The following BBS9 variants were observed in gnomAD, a reference collection of about 807,000 sequenced individuals.
The protein encoded by BBS9 is Bardet-Biedl syndrome 9.
A neutral mutation model predicts 117.7 loss-of-function variants in BBS9; 89 were observed. The observed-to-expected ratio is 0.76, with a 90% confidence interval of 0.64 to 0.90. The LOEUF (loss-of-function observed/expected upper bound fraction) is 0.90. BBS9 is among the 40% of genes least tolerant of loss of function. The pLI is 0.00. For synonymous variants in BBS9, 379 were observed against 370.9 expected, an observed-to-expected ratio of 1.02 and a Z score of -0.25; for missense variants, 982 against 1,042.2, an observed-to-expected ratio of 0.94 and a Z score of 0.80.
intron 16 of BBS9, among the ~76,000 whole-genome samples, chr7:33,360,524 C>CTT (rs5883399): frequency 0.011 from 1,572 of 141,934 alleles, 22 homozygotes; most frequent in Non-Finnish European, 0.016. Context: ...CAATAAATAC[C>CTT]TTTTTTTTTT....
chr7:33,231,511 C>T lies in BBS9; in HGVS notation c.443-25725C>T, dbSNP rs1237659922. ...TAATTTTAAGTCAGAGAGTGTGGTG[C>T]CTCCAACTTTGTTTTTCATTCTCAG... On this transcript the variant is annotated intron_variant, in intron 5 of 22. Transcript: ENST00000242067. Among the ~76,000 whole-genome samples, 5 of 145,188 alleles carry T rather than the reference C, an allele frequency of 3.4e-5. No homozygotes were observed. In the East Asian group the frequency reaches 1.0e-3, roughly 29 times the overall value.
chr7:33,163,390 G>A (rs963958049), intron 4 of BBS9, among the ~76,000 whole-genome samples: 1 of 152,146 alleles, frequency 6.6e-6, no homozygotes, highest in Non-Finnish European at 1.5e-5. Flanking sequence ...GATTGGAATA[G>A]TTTCAGAAGG....
intron 19 of BBS9, among the ~76,000 whole-genome samples, chr7:33,422,798 C>G (rs182704598): frequency 1.6e-4 from 25 of 152,148 alleles, no homozygotes; most frequent in Non-Finnish European, 2.1e-4. Flanking sequence ...AAAATAAAGA[C>G]AGGGTCTTGC....
At chr7:33,336,732 T>A in intron 10 of BBS9, 110 bp downstream of exon 10, 1 of 782,286 alleles carries the variant, frequency 1.3e-6, no homozygotes, top group Non-Finnish European at 2.1e-6. Context: ...TAGGCTTAAT[T>A]AAAATCATAT....
At chr7:33,364,474 G>T (rs1821264677) in intron 16 of BBS9, among the ~76,000 whole-genome samples, 1 of 151,862 alleles carries the variant, frequency 6.6e-6, no homozygotes. Flanking sequence ...GCTTGATTCT[G>T]TTCCCTAAAT....
At chr7:33,265,191 A>G (rs1051148333) in intron 7 of BBS9, among the ~76,000 whole-genome samples, 1 of 152,230 alleles carries the variant, frequency 6.6e-6, no homozygotes, top group African/African-American at 2.4e-5. Context: ...AAATGGAGAA[A>G]TAATGTAGAA....
intron 11 of BBS9, among the ~76,000 whole-genome samples, chr7:33,344,320 C>T (rs1291778590): frequency 1.3e-5 from 2 of 151,896 alleles, no homozygotes; most frequent in Admixed American, 6.6e-5. Flanking sequence ...CCACCCACCT[C>T]GGCCTCCCAA....
chr7:33,181,308 G>C (rs997416175), intron 5 of BBS9, among the ~76,000 whole-genome samples: 34 of 152,186 alleles, frequency 2.2e-4, no homozygotes, highest in Non-Finnish European at 4.6e-4. Flanking sequence ...TACCTCTAGA[G>C]AATAATAGGT....
chr7:33,419,860 C>T (rs1584758731), intron 19 of BBS9, among the ~76,000 whole-genome samples: 1 of 151,780 alleles, frequency 6.6e-6, no homozygotes, highest in East Asian at 1.9e-4. Flanking sequence ...TTTTTTTAGC[C>T]TAGAGAGTTT....
At position 33,422,342 on chromosome 7, in the gene BBS9, A is replaced by T. The variant is rs886111738; in HGVS notation, c.2115+34198A>T. 2.6e-4 allele frequency among the ~76,000 whole-genome samples: 39 copies of T among 152,306 alleles called. No individual in the cohort carries two copies. In the East Asian group the frequency reaches 6.4e-3, roughly 25 times the overall value. ...TGTATATTTGATGTGTACCACAAAG[A>T]ATAAATATTTACCATAGCAGAATTA... On this transcript the variant is annotated intron_variant, in intron 19 of 22. Transcript: ENST00000242067.
chr7:33,545,005 C>A (rs1310456516), intron 21 of BBS9, among the ~76,000 whole-genome samples: 5 of 152,120 alleles, frequency 3.3e-5, no homozygotes, highest in Admixed American at 2.0e-4. Context: ...CCTTACCCAG[C>A]TCCCATGCAA....
intron 21 of BBS9, among the ~76,000 whole-genome samples, chr7:33,571,032 C>A (rs1359361032): frequency 2.0e-5 from 3 of 152,096 alleles, no homozygotes; most frequent in Admixed American, 2.0e-4. Flanking sequence ...AGTCTGTCAG[C>A]TAACTAGCTA....
intron 19 of BBS9, among the ~76,000 whole-genome samples, chr7:33,426,571 G>GT (rs34453403): frequency 0.18 from 26,860 of 151,968 alleles, 2,575 homozygotes; most frequent in South Asian, 0.21. Context: ...TAGATGTTCT[G>GT]TAAAAAATGG....
chr7:33,323,397 C>T (rs1230360518), intron 9 of BBS9, among the ~76,000 whole-genome samples: 1 of 152,182 alleles, frequency 6.6e-6, no homozygotes, highest in African/African-American at 2.4e-5. Flanking sequence ...TAATTTGCTT[C>T]ATTTATTTGG....
chr7:33,617,614 T>G (rs1436894039), intron 21 of BBS9, among the ~76,000 whole-genome samples: 1 of 151,988 alleles, frequency 6.6e-6, no homozygotes, highest in Non-Finnish European at 1.5e-5. Flanking sequence ...AGAAGCTCAG[T>G]GAACTGCAAG....
intron 5 of BBS9, among the ~76,000 whole-genome samples, chr7:33,230,352 T>C (rs1240593707): frequency 1.3e-5 from 2 of 152,310 alleles, no homozygotes; most frequent in African/African-American, 2.4e-5. Flanking sequence ...GCTTTCCCAC[T>C]GTGTTCTCTT....
rs182289206 is a variant in BBS9 at position 33,377,517 on chromosome 7, T to A, written c.1790-6149T>A. ...TGGCTATTTGTTATATTTTTTTTGT[T>A]TCATGTGGATTTTAAAATAATTTTT... On this transcript the variant is annotated intron_variant, in intron 17 of 22. Coordinates refer to ENST00000242067, the MANE Select transcript of BBS9 (RefSeq NM_198428.3). Among the ~76,000 whole-genome samples, 396 of 152,290 alleles carry A rather than the reference T, an allele frequency of 2.6e-3. 2 individuals are homozygous for A. The highest frequency in any genetic ancestry group is 0.016 in the South Asian group (75 of 4,828).
chr7:33,373,786 T>C (rs1823299436), intron 17 of BBS9, among the ~76,000 whole-genome samples: 1 of 152,160 alleles, frequency 6.6e-6, no homozygotes, highest in African/African-American at 2.4e-5. Flanking sequence ...TAAAAATCCT[T>C]TTTTTGGTCC....
At chr7:33,131,927 A>G (rs1188401021) in intron 1 of BBS9, among the ~76,000 whole-genome samples, 1 of 152,244 alleles carries the variant, frequency 6.6e-6, no homozygotes, top group Non-Finnish European at 1.5e-5. Flanking sequence ...TCAAAACAAA[A>G]AAGTGTCAAG....
Sources: gnomAD v4.1 joint callset for allele counts (sites outside exome capture counted in the v4.1 genomes callset) on GRCh38, gnomAD v4.1.1 for gene constraint, MANE v1.5 for transcripts, NCBI Gene and HGNC (gene_info 2026-07-23, HGNC 2026-07-21) for gene names.